GNG7: variants seen among roughly 807,000 people sequenced by gnomAD.
The protein encoded by GNG7 is guanine nucleotide-binding protein G(I)/G(S)/G(O) subunit gamma-7.
Under a neutral mutation model 4.0 loss-of-function variants are expected in GNG7, and 1 was observed. The observed-to-expected ratio is 0.25, with a 90% CI of 0.09 to 1.18. The LOEUF is 1.18. Ranked by LOEUF, GNG7 falls within the 50% of genes most tolerant of loss-of-function variation. The probability of loss-of-function intolerance (pLI) is 0.50; values close to 1 mark genes in which losing one functional copy is unlikely to be tolerated. For synonymous variants in GNG7, 34 were observed against 36.9 expected (o/e 0.92, Z 0.29); for missense variants, 86 against 91.9 (o/e 0.94, Z 0.26).
chr19:2,645,103 G>A (rs1251996039), intron 2 of GNG7, among the ~76,000 whole-genome samples: 2 of 152,168 alleles, frequency 1.3e-5, no homozygotes, highest in Non-Finnish European at 2.9e-5. Flanking sequence ...GCAATGGTAC[G>A]CACCTGTAAT....
intron 2 of GNG7, among the ~76,000 whole-genome samples, chr19:2,636,511 A>C (rs540968890): frequency 9.2e-5 from 14 of 152,258 alleles, no homozygotes; most frequent in Non-Finnish European, 1.9e-4. Flanking sequence ...CCAGCCCTCC[A>C]GGGATGCTTT....
At chr19:2,568,507 CTGTG>C (rs201930350) in intron 2 of GNG7, among the ~76,000 whole-genome samples, 1 of 151,294 alleles carries the variant, frequency 6.6e-6, no homozygotes, top group Admixed American at 6.6e-5. Flanking sequence ...CACAGGGTCT[CTGTG>C]TGTGCACATA....
intron 2 of GNG7, among the ~76,000 whole-genome samples, chr19:2,616,887 C>A (rs976098087): frequency 6.6e-6 from 1 of 152,112 alleles, no homozygotes; most frequent in Admixed American, 6.5e-5. Context: ...GGGTTCTGCC[C>A]GCCTCTTCCT....
chr19:2,574,675 C>G lies in GNG7; in HGVS notation c.-77-19487G>C, dbSNP rs562262138. Among the ~76,000 whole-genome samples the G allele has an allele frequency of 2.6e-5, 4 of 152,348 alleles. No homozygotes were observed. In the East Asian group the frequency reaches 7.7e-4, roughly 29 times the overall value. ...CCTGGGGCTGTTGGGAATCATGCCG[C>G]TGTGCACTTGTGTGTGCAAACACCT... On this transcript the variant is annotated intron_variant, in intron 2 of 4. Coordinates refer to ENST00000382159, the MANE Select transcript of GNG7 (RefSeq NM_052847.3).
chr19:2,641,279 G>A (rs1445389591), intron 2 of GNG7, among the ~76,000 whole-genome samples: 2 of 152,198 alleles, frequency 1.3e-5, no homozygotes, highest in Admixed American at 1.3e-4. Flanking sequence ...TCAGCAGAAG[G>A]AACAGCAGGC....
chr19:2,628,444 G>A (rs773376450), intron 2 of GNG7, among the ~76,000 whole-genome samples: 3 of 152,104 alleles, frequency 2.0e-5, no homozygotes, highest in Non-Finnish European at 2.9e-5. Flanking sequence ...GGCAGCTCAC[G>A]ACATAGCTGT....
Position 2,555,194 on chromosome 19 carries a change from T to A in GNG7, c.-77-6A>T, listed in dbSNP as rs1356806961. 1 of 152,116 alleles carries A rather than the reference T, an allele frequency of 6.6e-6. No homozygotes were observed. Among genetic ancestry groups the A allele is most frequent in the Non-Finnish European group, 1.5e-5 (1 of 68,012 alleles). The allele number at this position is 152,116 out of a possible 1,614,324, so 9.4% of individuals were successfully genotyped here. ...ATCACAGCTTGCTGTACACCCTGTT[T>A]AAAAAAGGAGAGAGAAAGAGAAAAG... is the stretch of plus-strand genomic sequence containing the variant. On this transcript the variant is annotated splice_region_variant and splice_polypyrimidine_tract_variant and intron_variant, in intron 2 of 4. Transcript: ENST00000382159.
At chr19:2,531,236 G>T (rs956565764) in intron 3 of GNG7, among the ~76,000 whole-genome samples, 1 of 148,480 alleles carries the variant, frequency 6.7e-6, no homozygotes, top group Non-Finnish European at 1.5e-5. Flanking sequence ...TCCGGGAGAC[G>T]GTGGTTGCAG....
At chr19:2,640,297 AAG>A (rs1283391770) in intron 2 of GNG7, among the ~76,000 whole-genome samples, 1 of 152,082 alleles carries the variant, frequency 6.6e-6, no homozygotes, top group Admixed American at 6.5e-5. Context: ...CATCAAGAAA[AAG>A]AGAGACATTC....
intron 3 of GNG7, among the ~76,000 whole-genome samples, chr19:2,536,703 G>A (rs994902813): frequency 2.0e-5 from 3 of 152,062 alleles, no homozygotes; most frequent in African/African-American, 4.8e-5. Flanking sequence ...TTCTGAGCAC[G>A]TCCCCTGGAC....
chr19:2,517,664 C>A (rs368470258), intron 4 of GNG7, among the ~76,000 whole-genome samples: 6 of 152,318 alleles, frequency 3.9e-5, no homozygotes, highest in East Asian at 1.9e-4. Flanking sequence ...CGTGCCTGGC[C>A]TGGCCATAAT....
chr19:2,523,103 G>A (rs1978318656), intron 3 of GNG7, among the ~76,000 whole-genome samples: 1 of 151,750 alleles, frequency 6.6e-6, no homozygotes, highest in South Asian at 2.1e-4. Flanking sequence ...CTGGCCTCAA[G>A]TGATCTGCCT....
chr19:2,539,710 C>T (rs368901362), intron 3 of GNG7, among the ~76,000 whole-genome samples: 177 of 152,220 alleles, frequency 1.2e-3, no homozygotes, highest in Admixed American at 2.5e-3. Flanking sequence ...GGCTGGGTGT[C>T]GTCCCTCCCC....
chr19:2,553,357 T>A (rs1184247538), intron 3 of GNG7, among the ~76,000 whole-genome samples: 1 of 147,918 alleles, frequency 6.8e-6, no homozygotes, highest in East Asian at 2.0e-4. Context: ...ATCTCTTAGA[T>A]ACTGACATGC....
intron 2 of GNG7, among the ~76,000 whole-genome samples, chr19:2,631,200 C>T (rs570305899): frequency 1.3e-5 from 2 of 152,200 alleles, no homozygotes; most frequent in East Asian, 1.9e-4. Context: ...CTTTCACAGA[C>T]GAGGGCATTG....
rs943021948 is a variant in GNG7 at position 2,650,025 on chromosome 19, G to C, written c.-134-3745C>G. ...TCAAGGTGCATCCATGCTGTGACCT[G>C]TGTCAAAGACTCGCTCCTTTCCATG... On this transcript the variant is annotated intron_variant, in intron 1 of 4. Transcript: ENST00000382159. Among the ~76,000 whole-genome samples the C allele has an allele frequency of 2.0e-5, 3 of 152,074 alleles. No individual in the cohort carries two copies. In the East Asian group the frequency reaches 5.8e-4, roughly 29 times the overall value.
In GNG7 at chr19:2,513,613, G is replaced by A. The variant is rs1599367028; in HGVS notation, c.*1409C>T. ...CTCCCGGCCTCAGACAGCCGTCCTG[G>A]GTTGCACGGGGGTGGAAAAGCAAAA... On this transcript the variant is annotated 3_prime_UTR_variant, in exon 5 of 5. Coordinates refer to ENST00000382159, the MANE Select transcript of GNG7 (RefSeq NM_052847.3). 4 of 982,460 alleles carry A rather than the reference G, an allele frequency of 4.1e-6. No individual in the cohort carries two copies. The South Asian group carries it at 1.9e-4, about 46-fold the overall frequency. The allele number at this position is 982,460 out of a possible 1,614,324, so 60.9% of individuals were successfully genotyped here. A position where few individuals can be genotyped will look rare whatever the true frequency, so the allele number is the denominator to read the frequency against.
intron 2 of GNG7, among the ~76,000 whole-genome samples, chr19:2,581,347 G>A (rs1327386613): frequency 6.7e-6 from 1 of 148,764 alleles, no homozygotes. Context: ...GTGGGGGGCG[G>A]AGGGTGTCTC....
At chr19:2,702,196 A>T (rs1335847584) in intron 1 of GNG7, among the ~76,000 whole-genome samples, 2 of 49,230 alleles carry the variant, frequency 4.1e-5, no homozygotes, top group African/African-American at 1.7e-4. Context: ...CAGCTAACTC[A>T]GACCTCCAAT....
Sources: allele counts gnomAD v4.1 joint callset (sites outside exome capture counted in the v4.1 genomes callset), GRCh38; gene constraint gnomAD v4.1.1; transcripts MANE v1.5; gene names NCBI Gene and HGNC (gene_info 2026-07-23, HGNC 2026-07-21).